Variants in DISC1 observed in about 807,000 individuals in gnomAD.
The protein encoded by DISC1 is disrupted in schizophrenia 1 protein.
A neutral mutation model predicts 84.5 loss-of-function variants in DISC1; 57 were observed. The observed-to-expected ratio is 0.67, with a 90% CI of 0.55 to 0.84. The LOEUF is 0.84. Ranked by LOEUF, DISC1 falls within the 40% of genes least tolerant of loss-of-function variation. The pLI is 0.00. For missense variants in DISC1, 1,000 were observed against 1,057.8 expected (o/e 0.95, Z 0.76); for synonymous variants, 411 against 415.2 (o/e 0.99, Z 0.12).
chr1:231,695,319 G>A (rs781133732), intron 2 of DISC1, among the ~76,000 whole-genome samples: 7 of 152,298 alleles, frequency 4.6e-5, no homozygotes, highest in Admixed American at 4.6e-4. Context: ...CTCAGTTTCC[G>A]TATTTAGAGA....
intron 10 of DISC1, among the ~76,000 whole-genome samples, chr1:232,002,006 T>C (rs768827538): frequency 7.9e-5 from 12 of 152,180 alleles, no homozygotes; most frequent in Non-Finnish European, 1.6e-4. Context: ...TATTAGTATG[T>C]ACAATGTACA....
chr1:231,912,069 T>C (rs1263840390), intron 9 of DISC1, among the ~76,000 whole-genome samples: 2 of 152,210 alleles, frequency 1.3e-5, no homozygotes, highest in Non-Finnish European at 2.9e-5. Flanking sequence ...AGTTAGCCAT[T>C]CGTCTAATGT....
At chr1:231,759,544 A>AAC (rs2075448461) in intron 4 of DISC1, among the ~76,000 whole-genome samples, 1 of 148,908 alleles carries the variant, frequency 6.7e-6, no homozygotes, top group South Asian at 2.1e-4. Context: ...AAAAAAAAAA[A>AAC]AAAAAAACAA....
At chr1:231,715,848 G>C (rs1489006638) in intron 3 of DISC1, among the ~76,000 whole-genome samples, 1 of 152,166 alleles carries the variant, frequency 6.6e-6, no homozygotes, top group Non-Finnish European at 1.5e-5. Context: ...AAAGAGCCGT[G>C]AAATGTTTAG....
At chr1:231,730,153 G>A (rs1410088665) in intron 3 of DISC1, among the ~76,000 whole-genome samples, 2 of 152,170 alleles carry the variant, frequency 1.3e-5, no homozygotes, top group African/African-American at 4.8e-5. Context: ...TCTGTTCACA[G>A]GAATGAATTA....
At position 231,750,014 on chromosome 1, in the gene DISC1, C is replaced by A. The variant is rs1464491607; in HGVS notation, c.1206C>A (p.Ser402Arg). ...TTCCTTCAAGGCAGCCAGCTCTTAG[C>A]AGTTTCCTGGGTCACCTGGCAGCAC... ...FQLPSRQPAL[S>R]SFLGHLAAQV... The change falls in exon 4 of 13, where the codon AGC becomes AGA. Residue 402 changes from serine (S) to arginine (R), a missense_variant. Ser to Arg is a moderately radical substitution (Grantham distance 110). Coordinates refer to ENST00000439617, the MANE Select transcript of DISC1 (RefSeq NM_018662.3). 6.2e-7 allele frequency: 1 copy of A among 1,614,232 alleles called. No homozygotes were observed. The highest frequency in any genetic ancestry group is 2.2e-5 in the East Asian group (1 of 44,880).
chr1:231,658,836 T>C (rs2061347742), intron 1 of DISC1, among the ~76,000 whole-genome samples: 1 of 152,210 alleles, frequency 6.6e-6, no homozygotes, highest in African/African-American at 2.4e-5. Flanking sequence ...GCCAACTTGA[T>C]TCTAGTGGAT....
At chr1:231,982,537 G>C (rs534378281) in intron 10 of DISC1, among the ~76,000 whole-genome samples, 82 of 152,316 alleles carry the variant, frequency 5.4e-4, no homozygotes, top group Non-Finnish European at 8.8e-4. Context: ...TCATTAAGCA[G>C]AGTGGCAGAT....
At chr1:231,800,314 A>G (rs1160783151) in intron 8 of DISC1, 104 bp downstream of exon 8, 7 of 926,722 alleles carry the variant, frequency 7.6e-6, no homozygotes, top group Non-Finnish European at 1.2e-5. Context: ...TTATTATGTC[A>G]TTCTCAGACA....
At chr1:231,948,068 G>A (rs1657581579) in intron 9 of DISC1, among the ~76,000 whole-genome samples, 1 of 152,120 alleles carries the variant, frequency 6.6e-6, no homozygotes, top group African/African-American at 2.4e-5. Context: ...CAAGGATCTA[G>A]AACTAGAAAT....
At chr1:231,766,303 A>C (rs1306542241) in intron 4 of DISC1, among the ~76,000 whole-genome samples, 3 of 150,504 alleles carry the variant, frequency 2.0e-5, no homozygotes, top group Non-Finnish European at 3.0e-5. Flanking sequence ...AAAAAAAAAA[A>C]AAAACAAAAT....
chr1:231,999,716 C>T (rs1362195648), intron 10 of DISC1, among the ~76,000 whole-genome samples: 1 of 152,290 alleles, frequency 6.6e-6, no homozygotes, highest in Non-Finnish European at 1.5e-5. Context: ...ATTCAGTTAC[C>T]TGACCTGGGG....
At chr1:231,963,767 C>T (rs1415334570) in intron 10 of DISC1, among the ~76,000 whole-genome samples, 1 of 152,176 alleles carries the variant, frequency 6.6e-6, no homozygotes, top group African/African-American at 2.4e-5. Flanking sequence ...ACTCACGTCT[C>T]CAACAACTGA....
intron 11 of DISC1, among the ~76,000 whole-genome samples, chr1:232,012,535 T>C (rs1668113794): frequency 6.6e-6 from 1 of 152,250 alleles, no homozygotes; most frequent in African/African-American, 2.4e-5. Flanking sequence ...GGTTTTGCTT[T>C]AGAACTCCGT....
At chr1:231,649,043 T>G (rs1026185670) in intron 1 of DISC1, among the ~76,000 whole-genome samples, 5 of 152,146 alleles carry the variant, frequency 3.3e-5, no homozygotes, top group African/African-American at 1.2e-4. Flanking sequence ...AAGGGTTTTT[T>G]GTCTCTATCT....
intron 9 of DISC1, among the ~76,000 whole-genome samples, chr1:231,878,743 G>A (rs1411893464): frequency 6.6e-6 from 1 of 152,090 alleles, no homozygotes; most frequent in Non-Finnish European, 1.5e-5. Flanking sequence ...TCAACAAGCA[G>A]AACATTATTA....
At chr1:231,896,159 A>G (rs2126015795) in intron 9 of DISC1, among the ~76,000 whole-genome samples, 1 of 152,246 alleles carries the variant, frequency 6.6e-6, no homozygotes, top group South Asian at 2.1e-4. Context: ...ATTTTCCATG[A>G]AATTACTGGT....
At chr1:231,861,421 C>T (rs1009586608) in intron 9 of DISC1, among the ~76,000 whole-genome samples, 10 of 150,126 alleles carry the variant, frequency 6.7e-5, no homozygotes, top group African/African-American at 2.0e-4. Context: ...AGTGAGCCAC[C>T]GCACCCAGAC....
chr1:231,723,798 C>A, intron 3 of DISC1: 3 of 985,426 alleles, frequency 3.0e-6, no homozygotes, highest in Non-Finnish European at 3.6e-6. Flanking sequence ...TTCATTCTCT[C>A]CCTCCCTTCT....
Sources: allele counts gnomAD v4.1 joint callset (sites outside exome capture counted in the v4.1 genomes callset), GRCh38; gene constraint gnomAD v4.1.1; transcripts MANE v1.5; gene names NCBI Gene and HGNC (gene_info 2026-07-23, HGNC 2026-07-21).